The following PDPK1 variants were observed in gnomAD, a reference collection of about 807,000 sequenced individuals.
PDPK1 encodes 3-phosphoinositide-dependent protein kinase 1.
In PDPK1, 7 loss-of-function variants were observed where a neutral mutation model predicts 39.8. The ratio of observed to expected loss-of-function variants is 0.18; its 90% CI spans 0.10 to 0.33. The LOEUF (loss-of-function observed/expected upper bound fraction) is 0.33, where lower values mean the gene tolerates loss of function less well. Ranked by LOEUF, PDPK1 falls within the 10% of genes least tolerant of loss-of-function variation. PDPK1 has a pLI of 1.00. For missense variants in PDPK1, 182 were observed against 384.7 expected (o/e 0.47, Z 4.41); for synonymous variants, 118 against 159.1 (o/e 0.74, Z 1.95).
intron 11 of PDPK1, among the ~76,000 whole-genome samples, chr16:2,587,655 C>T (rs2066904866): frequency 6.6e-6 from 1 of 152,272 alleles, no homozygotes; most frequent in South Asian, 2.1e-4. Flanking sequence ...ATTACAGGCA[C>T]CTGCCACCAC....
rs2067177538 is a variant in PDPK1 at position 2,599,756 on chromosome 16, ATG to A, written c.*1991_*1992del. The A allele has an allele frequency of 6.5e-6, 1 of 152,920 alleles. No individual in the cohort carries two copies. Among genetic ancestry groups the A allele is most frequent in the Non-Finnish European group, 1.4e-5 (1 of 70,896 alleles). The allele number at this position is 152,920 out of a possible 1,614,324, so 9.5% of individuals were successfully genotyped here. On this transcript the variant is annotated 3_prime_UTR_variant, in exon 14 of 14. Transcript: ENST00000342085. ...CCATCTCAGAACGTCCTGTGTCTCC[ATG>A]TAGGAGAGTGGCTCTCTCAGATCTC...
In PDPK1 at chr16:2,557,729, C is replaced by T. The variant is rs61747742; in HGVS notation, c.51C>T (p.Ser17=). Residue 17 remains serine (S), a synonymous_variant, in exon 2 of 14, where the codon AGC becomes AGT. Coordinates refer to ENST00000342085, the MANE Select transcript of PDPK1 (RefSeq NM_002613.5). The part of the protein sequence containing the change: ...QLYDAVPIQS[S]VVLCSCPSPS... ...ATGACGCCGTGCCCATCCAGTCCAG[C>T]GTGGTGTTATGTTCCTGCCCATCCC... The T allele has an allele frequency of 0.21, 164,179 of 769,928 alleles. 164 individuals are homozygous for T. The highest frequency in any genetic ancestry group is 0.24 in the Admixed American group (11,455 of 48,640). The allele number at this position is 769,928 out of a possible 1,614,324, so 47.7% of individuals were successfully genotyped here. A position where few individuals can be genotyped will look rare whatever the true frequency, so the allele number is the denominator to read the frequency against.
At chr16:2,578,256 A>G (rs553988890) in intron 7 of PDPK1, 1 of 146,790 alleles carries the variant, frequency 6.8e-6, no homozygotes, top group Non-Finnish European at 1.5e-5. Flanking sequence ...TCCAGCAGGC[A>G]TGAGGGTCTT....
intron 1 of PDPK1, among the ~76,000 whole-genome samples, chr16:2,544,696 G>A (rs1382366267): frequency 3.3e-5 from 5 of 151,778 alleles, no homozygotes; most frequent in Admixed American, 6.6e-5. Flanking sequence ...CCATTCTCCT[G>A]CCTCAGCCTC....
intron 7 of PDPK1, among the ~76,000 whole-genome samples, chr16:2,580,254 G>T (rs1336806675): frequency 1.4e-5 from 2 of 143,894 alleles, no homozygotes; most frequent in Non-Finnish European, 3.0e-5. Context: ...GCCTGTTTCT[G>T]TACTGTTGTG....
chr16:2,557,733 GTGT>G lies in PDPK1; in HGVS notation c.57_59del (p.Leu20del), dbSNP rs750485483. The G allele has an allele frequency of 1.3e-3, 1,044 of 823,524 alleles. No individual in the cohort carries two copies. The highest frequency in any genetic ancestry group is 5.7e-3 in the Middle Eastern group (20 of 3,492). The allele number at this position is 823,524 out of a possible 1,614,324, so 51.0% of individuals were successfully genotyped here. A position where few individuals can be genotyped will look rare whatever the true frequency, so the allele number is the denominator to read the frequency against. ...CGCCGTGCCCATCCAGTCCAGCGTG[GTGT>G]TATGTTCCTGCCCATCCCCATCAAT... is the stretch of plus-strand genomic sequence containing the variant. On this transcript the variant is annotated inframe_deletion, in exon 2 of 14. Transcript: ENST00000342085.
chr16:2,592,919 T>G (rs1378202869), intron 11 of PDPK1: 1 of 456,524 alleles, frequency 2.2e-6, no homozygotes, highest in Non-Finnish European at 4.4e-6. Context: ...CTTGCCTGCC[T>G]CCCCGTGGTG....
intron 7 of PDPK1, among the ~76,000 whole-genome samples, chr16:2,578,000 G>A (rs1021129715): frequency 6.7e-6 from 1 of 148,640 alleles, no homozygotes; most frequent in Non-Finnish European, 1.5e-5. Flanking sequence ...GCCTTCCAAA[G>A]TGCTGGAGTT....
rs1032756249 is a variant in PDPK1, at chr16:2,598,056, G to A, written c.*289G>A. On this transcript the variant is annotated 3_prime_UTR_variant, in exon 14 of 14. Coordinates refer to ENST00000342085, the MANE Select transcript of PDPK1 (RefSeq NM_002613.5). Reference sequence around the variant, plus strand: ...GCCGTGGGGACCCAGCTCCATGCACGTCAACCCAGTCCCGCCCAGACTAGT... The same window carrying A: ...GCCGTGGGGACCCAGCTCCATGCACATCAACCCAGTCCCGCCCAGACTAGT... 1.9e-5 allele frequency: 9 copies of A among 483,010 alleles called. No homozygotes were observed. Among genetic ancestry groups the A allele is most frequent in the Admixed American group, 7.1e-5 (2 of 28,178 alleles). 29.9% of individuals were successfully genotyped at this position (483,010 alleles called of 1,614,324 possible). A position where few individuals can be genotyped will look rare whatever the true frequency, so the allele number is the denominator to read the frequency against.
At chr16:2,580,432 T>C (rs1046906092) in intron 7 of PDPK1, among the ~76,000 whole-genome samples, 2 of 144,576 alleles carry the variant, frequency 1.4e-5, no homozygotes, top group African/African-American at 5.4e-5. Flanking sequence ...CCGCCCTGAA[T>C]TCCTCGGTGT....
chr16:2,540,759 T>A (rs2066229884), intron 1 of PDPK1, among the ~76,000 whole-genome samples: 1 of 152,244 alleles, frequency 6.6e-6, no homozygotes, highest in Non-Finnish European at 1.5e-5. Flanking sequence ...TCGGCCTTGT[T>A]TGAGGGCCGA....
In PDPK1 at chr16:2,552,561, A is replaced by G. The variant is rs531035683; in HGVS notation, c.25-5142A>G. Among the ~76,000 whole-genome samples, 21 of 142,060 alleles carry G rather than the reference A, an allele frequency of 1.5e-4. No individual in the cohort carries two copies. The East Asian group carries it at 4.5e-3, about 30-fold the overall frequency. 93.2% of individuals were successfully genotyped at this position (142,060 alleles called of 152,430 possible). A position where few individuals can be genotyped will look rare whatever the true frequency, so the allele number is the denominator to read the frequency against. ...CTGGTGGTCCCATCTGCCTGTGGGAATAAGTAGGGGGCAGTGACTCGTCAT... is the reference window on the plus strand; with the variant it reads ...CTGGTGGTCCCATCTGCCTGTGGGAGTAAGTAGGGGGCAGTGACTCGTCAT... On this transcript the variant is annotated intron_variant, in intron 1 of 13. Coordinates refer to ENST00000342085, the MANE Select transcript of PDPK1 (RefSeq NM_002613.5).
Position 2,597,769 on chromosome 16 carries a change from G to T in PDPK1, c.*2G>T, listed in dbSNP as rs759130714. On this transcript the variant is annotated 3_prime_UTR_variant, in exon 14 of 14. Transcript: ENST00000342085. This position sits in a 1 kb window ranked among gnomAD's most constrained non-coding sequence, Gnocchi z 6.3. The stretch of plus-strand genomic sequence containing the variant: ...CACCCGGACGCCGCTGTGCAGTGAC[G>T]TGGCCTGCGGCCGGGCTGCCCTTCG... 1.3e-6 allele frequency: 2 copies of T among 1,599,704 alleles called. No homozygotes were observed. The highest frequency in any genetic ancestry group is 1.7e-6 in the Non-Finnish European group (2 of 1,168,642).
intron 11 of PDPK1, among the ~76,000 whole-genome samples, chr16:2,588,053 G>A (rs887202243): frequency 6.6e-6 from 1 of 152,180 alleles, no homozygotes; most frequent in African/African-American, 2.4e-5. Context: ...GCCTGGCTAG[G>A]CAGGGACAGG....
At position 2,602,715 on chromosome 16, in the gene PDPK1, A is replaced by G. The variant is rs529055336; in HGVS notation, c.*4948A>G. The G allele has an allele frequency of 3.1e-4, 72 of 234,826 alleles. 1 individual carries two copies. Among genetic ancestry groups the G allele is most frequent in the African/African-American group, 1.1e-3 (50 of 45,474 alleles). 14.5% of individuals were successfully genotyped at this position (234,826 alleles called of 1,614,324 possible). ...TAGTACGTCTTTCAGGTGGGTGGCA[A>G]GCAGAACATGCGTAATATTCTCTAC... On this transcript the variant is annotated 3_prime_UTR_variant, in exon 14 of 14. Transcript: ENST00000342085.
At position 2,597,657 on chromosome 16, in the gene PDPK1, A is replaced by C. The variant is rs2142011373; in HGVS notation, c.1561A>C (p.Arg521=). ...FKTFFVHTPN[R]TYYLMDPSGN... is the part of the protein sequence containing the mutation. Reference sequence around the variant, plus strand: ...ACGGCTTCTGTCTTCGCAGCCTAACAGGACGTATTATCTGATGGACCCCAG... The same window carrying C: ...ACGGCTTCTGTCTTCGCAGCCTAACCGGACGTATTATCTGATGGACCCCAG... The change falls in exon 14 of 14, where the codon AGG becomes CGG. Residue 521 remains arginine, a synonymous_variant. Transcript: ENST00000342085. This position sits in a 1 kb window ranked among gnomAD's most constrained non-coding sequence, Gnocchi z 6.3. 5.0e-6 allele frequency: 8 copies of C among 1,611,490 alleles called. No individual in the cohort carries two copies. Among genetic ancestry groups the C allele is most frequent in the Non-Finnish European group, 6.8e-6 (8 of 1,177,696 alleles).
At position 2,595,999 on chromosome 16, in the gene PDPK1, T is replaced by C; in HGVS notation, c.1401+149T>C. ...CTAGATTTCATAGCTCGGGAAGGCT[T>C]AAGTCCCTTGAGAGAAGCCATGTGG... On this transcript the variant is annotated intron_variant, in intron 12 of 13. Transcript: ENST00000342085. The C allele has an allele frequency of 4.1e-6, 3 of 738,074 alleles. No individual in the cohort carries two copies. The Admixed American group carries it at 6.3e-5, about 15-fold the overall frequency. The allele number at this position is 738,074 out of a possible 1,614,324, so 45.7% of individuals were successfully genotyped here.
intron 11 of PDPK1, among the ~76,000 whole-genome samples, chr16:2,592,235 T>C (rs2067003811): frequency 6.6e-6 from 1 of 152,306 alleles, no homozygotes; most frequent in South Asian, 2.1e-4. Flanking sequence ...GGGTTTTCTA[T>C]GGTCACCCCT....
intron 11 of PDPK1, among the ~76,000 whole-genome samples, chr16:2,590,795 G>GT (rs570205657): frequency 6.6e-6 from 1 of 151,924 alleles, no homozygotes; most frequent in African/African-American, 2.4e-5. Context: ...TTTTAGCTAT[G>GT]TTTTTTTGTT....
Sources: allele counts gnomAD v4.1 joint callset (sites outside exome capture counted in the v4.1 genomes callset), GRCh38; gene constraint gnomAD v4.1.1; non-coding constraint Gnocchi (gnomAD v3.1); transcripts MANE v1.5; gene names NCBI Gene and HGNC (gene_info 2026-07-23, HGNC 2026-07-21).